The following AAMDC variants were observed in gnomAD, a reference collection of about 807,000 sequenced individuals.
The protein encoded by AAMDC is mth938 domain-containing protein.
In AAMDC, 16 loss-of-function variants were observed where a neutral mutation model predicts 15.5. The ratio of observed to expected loss-of-function variants is 1.03; its 90% CI spans 0.70 to 1.57. AAMDC has a LOEUF of 1.57. Ranked by LOEUF, AAMDC falls within the 40% of genes most tolerant of loss-of-function variation. AAMDC has a pLI of 0.00. For missense variants in AAMDC, 141 were observed against 144.9 expected (o/e 0.97, Z 0.14); for synonymous variants, 51 against 51.6 (o/e 0.99, Z 0.05).
At chr11:77,842,679 C>A in intron 2 of AAMDC, 51 bp downstream of exon 2, 4 of 1,598,922 alleles carry the variant, frequency 2.5e-6, no homozygotes, top group Non-Finnish European at 3.4e-6. Flanking sequence ...CAAGTGATTT[C>A]CAACTTCCTA....
At chr11:77,843,024 A>T (rs1949998312) in intron 2 of AAMDC, among the ~76,000 whole-genome samples, 1 of 152,138 alleles carries the variant, frequency 6.6e-6, no homozygotes, top group South Asian at 2.1e-4. Flanking sequence ...CATCATTCAG[A>T]TATCTTAGGT....
chr11:77,873,319 G>T (rs146683617), downstream of AAMDC, among the ~76,000 whole-genome samples: 446 of 152,302 alleles, frequency 2.9e-3, 1 homozygote, highest in Middle Eastern at 0.02. Flanking sequence ...TTAACTCACT[G>T]CATGGCATTT....
intron 2 of AAMDC, chr11:77,868,748 A>T (rs1457334716): frequency 4.3e-6 from 1 of 233,250 alleles, no homozygotes; most frequent in Non-Finnish European, 9.5e-6. Flanking sequence ...GGCTCCAGCA[A>T]CTCAGGCTCC....
intron 5 of AAMDC, among the ~76,000 whole-genome samples, chr11:77,888,536 A>G: frequency 6.6e-6 from 1 of 152,264 alleles, no homozygotes; most frequent in Non-Finnish European, 1.5e-5. Context: ...TGTCTAAAAC[A>G]GCAAAAGCAA....
Position 77,899,590 on chromosome 11 carries a change from A to G in AAMDC, c.329-981A>G, listed in dbSNP as rs1388687838. Among the ~76,000 whole-genome samples the G allele has an allele frequency of 1.2e-3, 183 of 151,810 alleles. 1 individual carries two copies. The highest frequency in any genetic ancestry group is 4.4e-3 in the African/African-American group (181 of 41,190). On this transcript the variant is annotated intron_variant, in intron 5 of 5. Transcript: ENST00000304716. Reference sequence around the variant, plus strand: ...GAGGCTGAGGCAGGAGAATCGCTTGAACCCAGGAGGCAGAGGTTGCAGTGA... The same window carrying G: ...GAGGCTGAGGCAGGAGAATCGCTTGGACCCAGGAGGCAGAGGTTGCAGTGA...
At chr11:77,892,227 GA>G (rs1034808067) in intron 5 of AAMDC, among the ~76,000 whole-genome samples, 21 of 152,130 alleles carry the variant, frequency 1.4e-4, no homozygotes, top group Non-Finnish European at 2.6e-4. Flanking sequence ...GAACGGAAGA[GA>G]AAAAAACGAT....
chr11:77,884,705 CT>C, intron 5 of AAMDC: 1 of 260,402 alleles, frequency 3.8e-6, no homozygotes, highest in Non-Finnish European at 8.3e-6. Context: ...CCCTATAATC[CT>C]TCATCTCTCC....
chr11:77,849,958 G>T, intron 2 of AAMDC, among the ~76,000 whole-genome samples: 1 of 152,078 alleles, frequency 6.6e-6, no homozygotes, highest in East Asian at 1.9e-4. Flanking sequence ...CAGTTCACTT[G>T]TATTATAATG....
chr11:77,905,886 C>T (rs1262365321), intron 3 of AAMDC, among the ~76,000 whole-genome samples: 2 of 152,110 alleles, frequency 1.3e-5, no homozygotes, highest in African/African-American at 4.8e-5. Flanking sequence ...TTAGACCCAC[C>T]CAACTGTCAT....
intron 2 of AAMDC, among the ~76,000 whole-genome samples, chr11:77,843,098 T>C (rs1458461968): frequency 1.3e-5 from 2 of 152,334 alleles, no homozygotes; most frequent in African/African-American, 4.8e-5. Context: ...TGCCAGACTA[T>C]CTTCCAAGGC....
downstream of AAMDC, among the ~76,000 whole-genome samples, chr11:77,876,153 G>A (rs1289271985): frequency 6.6e-6 from 1 of 152,176 alleles, no homozygotes; most frequent in Non-Finnish European, 1.5e-5. Context: ...GGCTACTTTT[G>A]TATGAGGGAT....
chr11:77,895,742 A>G (rs1167686115), intron 5 of AAMDC, among the ~76,000 whole-genome samples: 1 of 152,092 alleles, frequency 6.6e-6, no homozygotes, highest in Non-Finnish European at 1.5e-5. Flanking sequence ...GCCTGATTAT[A>G]TAGAGAATCA....
chr11:77,900,422 A>T, intron 5 of AAMDC: 1 of 508,512 alleles, frequency 2.0e-6, no homozygotes, highest in Non-Finnish European at 3.5e-6. Context: ...TTTAAGATTA[A>T]ATGATTCTTT....
intron 1 of AAMDC, among the ~76,000 whole-genome samples, chr11:77,822,347 G>T (rs1948950368): frequency 7.2e-6 from 1 of 139,400 alleles, no homozygotes; most frequent in Non-Finnish European, 1.5e-5. Flanking sequence ...CCGGGGAGGC[G>T]AAGGTTGCAG....
chr11:77,857,137 C>T (rs530625732), intron 2 of AAMDC, among the ~76,000 whole-genome samples: 3 of 152,274 alleles, frequency 2.0e-5, no homozygotes, highest in Admixed American at 1.3e-4. Flanking sequence ...ACCTTTTCTG[C>T]CTTCAAGAAG....
At chr11:77,894,533 T>C (rs1767774273) in intron 5 of AAMDC, among the ~76,000 whole-genome samples, 1 of 152,174 alleles carries the variant, frequency 6.6e-6, no homozygotes, top group African/African-American at 2.4e-5. Flanking sequence ...TCCCAAGACC[T>C]GATTAAACCA....
intron 1 of AAMDC, 29 bp downstream of exon 1, chr11:77,821,270 G>A (rs911885803): frequency 9.1e-6 from 2 of 219,964 alleles, no homozygotes; most frequent in East Asian, 9.9e-5. Context: ...CCTGAAACTG[G>A]GCCACGAGAT....
intron 1 of AAMDC, among the ~76,000 whole-genome samples, chr11:77,823,621 CAAAA>C (rs397970373): frequency 3.1e-5 from 3 of 97,652 alleles, no homozygotes; most frequent in African/African-American, 1.2e-4. Context: ...CACCCTGTCT[CAAAA>C]AAAAAAAAAA....
chr11:77,825,432 C>T (rs963833760), intron 1 of AAMDC, among the ~76,000 whole-genome samples: 1 of 152,068 alleles, frequency 6.6e-6, no homozygotes, highest in Non-Finnish European at 1.5e-5. Flanking sequence ...ACAAGCTGCG[C>T]ACGGTGGTTC....
Sources: gnomAD v4.1 joint callset for allele counts (sites outside exome capture counted in the v4.1 genomes callset) on GRCh38, gnomAD v4.1.1 for gene constraint, MANE v1.5 for transcripts, NCBI Gene and HGNC (gene_info 2026-07-23, HGNC 2026-07-21) for gene names.